The following PLCG2 variants were observed in gnomAD, a reference collection of about 807,000 sequenced individuals.
PLCG2 encodes the protein phospholipase C gamma 2, also known as 1-phosphatidylinositol 4,5-bisphosphate phosphodiesterase gamma-2.
A neutral mutation model predicts 175.6 loss-of-function variants in PLCG2; 69 were observed. The ratio of observed to expected loss-of-function variants is 0.39; its 90% CI spans 0.32 to 0.48. The LOEUF (loss-of-function observed/expected upper bound fraction) is 0.48, where lower values mean the gene tolerates loss of function less well. Ranked by LOEUF, PLCG2 falls within the 20% of genes least tolerant of loss-of-function variation. The pLI, the probability that PLCG2 is intolerant of heterozygous loss-of-function variation, is 0.91. For synonymous variants in PLCG2, 827 were observed against 624.0 expected, an observed-to-expected ratio of 1.33 and a Z score of -4.85; for missense variants, 1,798 against 1,650.9, an observed-to-expected ratio of 1.09 and a Z score of -1.54.
chr16:81,901,032 T>A (rs9935951), intron 14 of PLCG2, among the ~76,000 whole-genome samples: 5,480 of 152,318 alleles, frequency 0.036, 323 homozygotes, highest in African/African-American at 0.13. Context: ...GGGAGCATGA[T>A]GTGAGGGAAG....
At chr16:81,889,958 G>A (rs1378123917) in intron 10 of PLCG2, among the ~76,000 whole-genome samples, 1 of 151,966 alleles carries the variant, frequency 6.6e-6, no homozygotes, top group East Asian at 1.9e-4. Flanking sequence ...CCTGGCGGAG[G>A]CTAGGGTTTT....
intron 9 of PLCG2, among the ~76,000 whole-genome samples, chr16:81,887,323 G>A (rs1384333244): frequency 2.6e-5 from 4 of 152,062 alleles, no homozygotes; most frequent in African/African-American, 9.7e-5. Flanking sequence ...GTTTCACCGT[G>A]TTAGCCAGGA....
chr16:81,907,486 G>T (rs1452295559), intron 15 of PLCG2, among the ~76,000 whole-genome samples, 199 bp from the exon 16 acceptor site: 2 of 152,168 alleles, frequency 1.3e-5, no homozygotes, highest in African/African-American at 4.8e-5. Context: ...AATACCAAAA[G>T]AAGCTCAAAA....
chr16:81,943,156 A>G (rs1009917281), intron 30 of PLCG2, among the ~76,000 whole-genome samples: 1 of 152,228 alleles, frequency 6.6e-6, no homozygotes, highest in Admixed American at 6.5e-5. Flanking sequence ...ATTCCAGTTC[A>G]TTCTAACAGT....
At chr16:81,873,633 A>C (rs1340448044) in intron 7 of PLCG2, among the ~76,000 whole-genome samples, 1 of 152,198 alleles carries the variant, frequency 6.6e-6, no homozygotes, top group African/African-American at 2.4e-5. Context: ...AAGTTTGAAA[A>C]TAAGATTTGC....
chr16:81,803,931 C>A (rs1020053703), intron 2 of PLCG2, among the ~76,000 whole-genome samples: 2 of 152,158 alleles, frequency 1.3e-5, no homozygotes, highest in African/African-American at 2.4e-5. Context: ...ATCCACCTGC[C>A]TTGCCTCCCA....
At chr16:81,888,757 C>A (rs1259421897) in intron 9 of PLCG2, among the ~76,000 whole-genome samples, 5 of 152,208 alleles carry the variant, frequency 3.3e-5, no homozygotes, top group Non-Finnish European at 7.3e-5. Context: ...TTCATACTAA[C>A]AAACGTAAAG....
intron 7 of PLCG2, among the ~76,000 whole-genome samples, chr16:81,879,216 G>A (rs767875536): frequency 6.6e-6 from 1 of 152,158 alleles, no homozygotes; most frequent in African/African-American, 2.4e-5. Context: ...GCTGGGTGTG[G>A]GGCTTTGGGC....
At chr16:81,806,521 C>G (rs1461883493) in intron 2 of PLCG2, among the ~76,000 whole-genome samples, 1 of 152,106 alleles carries the variant, frequency 6.6e-6, no homozygotes, top group Non-Finnish European at 1.5e-5. Context: ...TTGCTTTTGA[C>G]CCAGGCAGCA....
At chr16:81,884,928 C>T (rs1476249783) in intron 9 of PLCG2, among the ~76,000 whole-genome samples, 1 of 152,098 alleles carries the variant, frequency 6.6e-6, no homozygotes, top group African/African-American at 2.4e-5. Context: ...CACCCCCTTG[C>T]CCAGGCTGGA....
Position 81,883,284 on chromosome 16 carries a change from G to A in PLCG2, c.708G>A (p.Pro236=), listed in dbSNP as rs946766394. 11 of 1,613,976 alleles carry A rather than the reference G, an allele frequency of 6.8e-6. No individual in the cohort carries two copies. The highest frequency in any genetic ancestry group is 1.3e-5 in the African/African-American group (1 of 74,926). The part of the protein sequence containing the change: ...SVFILGNTDR[P]DASAVYLHDF... ...CCGAGGATAGGAACACTGACAGGCC[G>A]GATGCCTCTGCTGTTTACCTGCATG... The change falls in exon 9 of 33, where the codon CCG becomes CCA. Residue 236 remains proline (P), a synonymous_variant. Transcript: ENST00000564138.
chr16:81,940,197 A>AACTGGT, intron 30 of PLCG2, 138 bp downstream of exon 30: 1 of 685,492 alleles, frequency 1.5e-6, no homozygotes, highest in Admixed American at 2.6e-5. Context: ...TGGCTTGGAG[A>AACTGGT]GCAGGTGTAC....
chr16:81,946,471 C>A (rs892545946), intron 31 of PLCG2, among the ~76,000 whole-genome samples: 1 of 152,124 alleles, frequency 6.6e-6, no homozygotes, highest in East Asian at 1.9e-4. Flanking sequence ...CTGGAGAATG[C>A]TGTGTGATTC....
intron 8 of PLCG2, among the ~76,000 whole-genome samples, chr16:81,881,266 A>T (rs1908067704): frequency 6.6e-6 from 1 of 152,222 alleles, no homozygotes; most frequent in African/African-American, 2.4e-5. Context: ...TTAATTACAA[A>T]AACTAATGTT....
In PLCG2 at chr16:81,947,170, A is replaced by G. The variant is rs1021103068; in HGVS notation, c.3570+907A>G. Among the ~76,000 whole-genome samples, 3 of 152,238 alleles carry G rather than the reference A, an allele frequency of 2.0e-5. No homozygotes were observed. The East Asian group carries it at 5.8e-4, about 29-fold the overall frequency. ...TAAGTGATTAGGTATCACCAGCAGC[A>G]GAGAAAATTAGTATATTTAAAAGAA... On this transcript the variant is annotated intron_variant, in intron 31 of 32. Coordinates refer to ENST00000564138, the MANE Select transcript of PLCG2 (RefSeq NM_002661.5).
At chr16:81,860,172 A>ATTAT (rs763047744) in intron 5 of PLCG2, among the ~76,000 whole-genome samples, 8,647 of 120,442 alleles carry the variant, frequency 0.072, 429 homozygotes, top group Non-Finnish European at 0.1. Context: ...TATTATTATT[A>ATTAT]TTTTTTTTTT....
intron 2 of PLCG2, among the ~76,000 whole-genome samples, chr16:81,826,374 T>C (rs578101862): frequency 6.6e-6 from 1 of 152,186 alleles, no homozygotes; most frequent in South Asian, 2.1e-4. Context: ...AGGAGGTCAG[T>C]GTAGGGGTCC....
chr16:81,826,660 C>G (rs8044282), intron 2 of PLCG2, among the ~76,000 whole-genome samples: 11,661 of 152,222 alleles, frequency 0.077, 942 homozygotes, highest in African/African-American at 0.2. Context: ...CACGTCCTCT[C>G]AGTGGTCTTA....
intron 18 of PLCG2, among the ~76,000 whole-genome samples, chr16:81,911,092 G>A (rs538839026): frequency 1.9e-4 from 29 of 152,206 alleles, no homozygotes; most frequent in South Asian, 1.9e-3. Context: ...GTCTCCCGCT[G>A]ATTTTTTTTA....
Sources: gnomAD v4.1 joint callset for allele counts (sites outside exome capture counted in the v4.1 genomes callset) on GRCh38, gnomAD v4.1.1 for gene constraint, MANE v1.5 for transcripts, NCBI Gene and HGNC (gene_info 2026-07-23, HGNC 2026-07-21) for gene names.